Variants in GFRAL observed in about 807,000 individuals in gnomAD.
GFRAL encodes GDNF family receptor alpha like.
A neutral mutation model predicts 45.4 loss-of-function variants in GFRAL; 36 were observed. That is an observed-to-expected ratio of 0.79 (90% CI 0.61 to 1.05). The LOEUF (loss-of-function observed/expected upper bound fraction) is 1.05, where lower values mean the gene tolerates loss of function less well. Among genes scored for constraint, GFRAL ranks in the 50% least tolerant of loss-of-function variants. The pLI is 0.00. For missense variants in GFRAL, 507 were observed against 467.5 expected (o/e 1.08, Z -0.78); for synonymous variants, 166 against 154.1 (o/e 1.08, Z -0.57).
intron 8 of GFRAL, among the ~76,000 whole-genome samples, chr6:55,401,190 T>C (rs964958200): frequency 2.0e-5 from 3 of 152,218 alleles, no homozygotes; most frequent in Non-Finnish European, 2.9e-5. Flanking sequence ...CTATTAAATA[T>C]ATTTGTATTT....
intron 6 of GFRAL, among the ~76,000 whole-genome samples, chr6:55,381,502 G>T (rs1477126314): frequency 6.6e-6 from 1 of 151,842 alleles, no homozygotes; most frequent in Non-Finnish European, 1.5e-5. Context: ...TCTACTCCCA[G>T]TGAAGGTCTG....
At position 55,366,351 on chromosome 6, in the gene GFRAL, C is replaced by T. The variant is rs1768363312; in HGVS notation, c.952+7213C>T. On this transcript the variant is annotated intron_variant, in intron 6 of 8. Coordinates refer to ENST00000340465, the MANE Select transcript of GFRAL (RefSeq NM_207410.2). The stretch of plus-strand genomic sequence containing the variant: ...TCTTTTTTTTTCTTTATTAGTCTTG[C>T]TAGTGGTCTATCAATTTTGTTGATC... Among the ~76,000 whole-genome samples the T allele has an allele frequency of 2.0e-5, 3 of 150,462 alleles. No individual in the cohort carries two copies. The South Asian group carries it at 6.3e-4, about 32-fold the overall frequency.
chr6:55,367,377 G>GGTC (rs1768379461), intron 6 of GFRAL, among the ~76,000 whole-genome samples: 1 of 143,396 alleles, frequency 7.0e-6, no homozygotes, highest in African/African-American at 2.7e-5. Flanking sequence ...CACGCTGATG[G>GGTC]GTCTTGACTC....
chr6:55,341,645 C>T (rs564429756), intron 3 of GFRAL, among the ~76,000 whole-genome samples: 5 of 152,160 alleles, frequency 3.3e-5, no homozygotes, highest in Admixed American at 1.3e-4. Flanking sequence ...TGCAACACCT[C>T]GCCAGCAATG....
chr6:55,340,600 TG>T (rs1184786046), intron 3 of GFRAL, among the ~76,000 whole-genome samples: 1 of 152,126 alleles, frequency 6.6e-6, no homozygotes, highest in Non-Finnish European at 1.5e-5. Flanking sequence ...GCCTGAGTGA[TG>T]CAGAAGACGA....
At chr6:55,342,105 A>T (rs1767974409) in intron 3 of GFRAL, among the ~76,000 whole-genome samples, 1 of 152,230 alleles carries the variant, frequency 6.6e-6, no homozygotes, top group Non-Finnish European at 1.5e-5. Flanking sequence ...ACTCTGCAGG[A>T]TACTATCCAG....
At chr6:55,327,749 TACTC>T (rs1369056842) in intron 1 of GFRAL, among the ~76,000 whole-genome samples, 173 bp downstream of exon 1, 1 of 152,084 alleles carries the variant, frequency 6.6e-6, no homozygotes, top group African/African-American at 2.4e-5. Flanking sequence ...CACTCACTTT[TACTC>T]ACTTATTTCT....
intron 6 of GFRAL, among the ~76,000 whole-genome samples, chr6:55,386,463 G>T (rs1035451212): frequency 6.6e-6 from 1 of 152,064 alleles, no homozygotes; most frequent in Non-Finnish European, 1.5e-5. Flanking sequence ...AAGTGAATGC[G>T]TGTCTGTTGG....
At chr6:55,340,292 A>T (rs1464487217) in intron 3 of GFRAL, among the ~76,000 whole-genome samples, 1 of 152,212 alleles carries the variant, frequency 6.6e-6, no homozygotes, top group East Asian at 1.9e-4. Flanking sequence ...TATTCTCCAG[A>T]GTACACAGAC....
At position 55,397,262 on chromosome 6, in the gene GFRAL, T is replaced by C. The variant is rs559905913; in HGVS notation, c.953-1918T>C. On this transcript the variant is annotated intron_variant, in intron 6 of 8. Transcript: ENST00000340465. ...GGCCGGGCGCGGTGGCTCACGCCTG[T>C]AATCCCAGCACTTTGGGAGGCCGAG... Among the ~76,000 whole-genome samples, 36 of 139,432 alleles carry C rather than the reference T, an allele frequency of 2.6e-4. No homozygotes were observed. The South Asian group carries it at 5.4e-3, about 21-fold the overall frequency. 91.5% of individuals were successfully genotyped at this position (139,432 alleles called of 152,430 possible).
intron 6 of GFRAL, among the ~76,000 whole-genome samples, chr6:55,381,824 C>CCTCT (rs926014320): frequency 1.7e-4 from 25 of 151,110 alleles, no homozygotes; most frequent in African/African-American, 6.1e-4. Flanking sequence ...TGCAAAAACT[C>CCTCT]CTCTCTCTCT....
intron 6 of GFRAL, among the ~76,000 whole-genome samples, chr6:55,361,012 A>G (rs550558087): frequency 6.6e-6 from 1 of 152,186 alleles, no homozygotes; most frequent in Admixed American, 6.6e-5. Context: ...CAATTTTCAT[A>G]GTGTTTGCTT....
At chr6:55,344,114 C>G (rs1768007194) in intron 3 of GFRAL, among the ~76,000 whole-genome samples, 1 of 151,974 alleles carries the variant, frequency 6.6e-6, no homozygotes, top group African/African-American at 2.4e-5. Context: ...GAAATACAAA[C>G]AGGAGCTGGT....
chr6:55,354,004 A>G (rs1265911161), intron 5 of GFRAL, among the ~76,000 whole-genome samples: 1 of 152,054 alleles, frequency 6.6e-6, no homozygotes, highest in Non-Finnish European at 1.5e-5. Context: ...CATGGTTTCA[A>G]TAGCAAAATC....
Position 55,351,503 on chromosome 6 carries a change from C to T in GFRAL, c.621C>T (p.Ser207=), listed in dbSNP as rs1191264584. The change falls in exon 5 of 9, where the codon AGC becomes AGT. Residue 207 remains serine, a synonymous_variant. Coordinates refer to ENST00000340465, the MANE Select transcript of GFRAL (RefSeq NM_207410.2). ...AGCAGTCCAAAGAAGCTCTTCACAG[C>T]AAGACATGTGCAGTGAACATGGTTC... ...PCQQSKEALH[S]KTCAVNMVPP... 6.2e-7 allele frequency: 1 copy of T among 1,613,556 alleles called. No individual in the cohort carries two copies. Among genetic ancestry groups the T allele is most frequent in the East Asian group, 2.2e-5 (1 of 44,854 alleles).
At chr6:55,376,775 A>T (rs546152525) in intron 6 of GFRAL, among the ~76,000 whole-genome samples, 8 of 151,816 alleles carry the variant, frequency 5.3e-5, no homozygotes, top group Admixed American at 3.9e-4. Context: ...TATTTTATCT[A>T]AAAAAATGGC....
chr6:55,343,293 C>A (rs540288992), intron 3 of GFRAL, among the ~76,000 whole-genome samples: 6 of 152,194 alleles, frequency 3.9e-5, no homozygotes, highest in Non-Finnish European at 8.8e-5. Flanking sequence ...CACTCCTTGG[C>A]AAACGTAAAA....
intron 6 of GFRAL, among the ~76,000 whole-genome samples, chr6:55,370,231 T>G (rs562526391): frequency 4.6e-5 from 7 of 152,214 alleles, no homozygotes; most frequent in Non-Finnish European, 1.0e-4. Context: ...TTTTTGAAGT[T>G]CTTTTAAGTG....
At chr6:55,352,909 T>C (rs893242443) in intron 5 of GFRAL, among the ~76,000 whole-genome samples, 1 of 152,078 alleles carries the variant, frequency 6.6e-6, no homozygotes, top group Non-Finnish European at 1.5e-5. Context: ...AACAAATGCC[T>C]ATGGATCTTA....
Sources: gnomAD v4.1 joint callset for allele counts (sites outside exome capture counted in the v4.1 genomes callset) on GRCh38, gnomAD v4.1.1 for gene constraint, MANE v1.5 for transcripts, NCBI Gene and HGNC (gene_info 2026-07-23, HGNC 2026-07-21) for gene names.